The following MAS1 variants were observed in gnomAD, a reference collection of about 807,000 sequenced individuals.
The protein encoded by MAS1 is proto-oncogene Mas.
For missense variants in MAS1, 387 were observed against 409.7 expected (o/e 0.94, Z 0.48); for synonymous variants, 163 against 164.2 (o/e 0.99, Z 0.05).
In MAS1 at chr6:159,909,361, A is replaced by C. The variant is rs1213273275; in HGVS notation, c.*1428A>C. 2 of 152,214 alleles carry C rather than the reference A, an allele frequency of 1.3e-5. No homozygotes were observed. The highest frequency in any genetic ancestry group is 4.8e-5 in the African/African-American group (2 of 41,438). The allele number at this position is 152,214 out of a possible 1,614,324, so 9.4% of individuals were successfully genotyped here. On this transcript the variant is annotated 3_prime_UTR_variant, in exon 3 of 3. Coordinates refer to ENST00000674077, the MANE Select transcript of MAS1 (RefSeq NM_002377.4). Reference sequence around the variant, plus strand: ...TAAAAGGTCAGAGAGGCAGTGATGTAATTGTTCTCTGTTGCTGCTTGTCCT... The same window carrying C: ...TAAAAGGTCAGAGAGGCAGTGATGTCATTGTTCTCTGTTGCTGCTTGTCCT...
At chr6:159,902,638 G>A (rs1782835452) in intron 2 of MAS1, 1 of 152,072 alleles carries the variant, frequency 6.6e-6, no homozygotes, top group Non-Finnish European at 1.5e-5. Flanking sequence ...TCTGTTGGAC[G>A]GCGCTGGTCC....
At position 159,913,443 on chromosome 6, in the gene MAS1, A is replaced by G. The variant is rs1283488189; in HGVS notation, c.*5510A>G. ...ATGTATTGTCATTTCTCAAGGCTCC[A>G]TGGGTTGATTGAGTTCAGTTTCTCA... On this transcript the variant is annotated 3_prime_UTR_variant, in exon 3 of 3. Transcript: ENST00000674077. 1 of 152,202 alleles carries G rather than the reference A, an allele frequency of 6.6e-6. No homozygotes were observed. Among genetic ancestry groups the G allele is most frequent in the African/African-American group, 2.4e-5 (1 of 41,458 alleles). 9.4% of individuals were successfully genotyped at this position (152,202 alleles called of 1,614,324 possible). A position where few individuals can be genotyped will look rare whatever the true frequency, so the allele number is the denominator to read the frequency against.
chr6:159,898,944 C>G (rs949204206), intron 1 of MAS1, among the ~76,000 whole-genome samples: 1 of 152,200 alleles, frequency 6.6e-6, no homozygotes, highest in Non-Finnish European at 1.5e-5. Flanking sequence ...CCAGGGAGCA[C>G]CAGACACACT....
rs1167544789 is a variant in MAS1 at position 159,893,610 on chromosome 6, G to A, written c.-244+2477G>A. Among the ~76,000 whole-genome samples the A allele has an allele frequency of 4.6e-5, 7 of 152,160 alleles. No individual in the cohort carries two copies. The East Asian group carries it at 1.3e-3, about 29-fold the overall frequency. ...GAAAACTCAAATGAATTCACTGGTG[G>A]TGGGTCAAAACTGGAGATATTGGTG... On this transcript the variant is annotated intron_variant, in intron 1 of 2. Transcript: ENST00000674077.
intron 1 of MAS1, among the ~76,000 whole-genome samples, chr6:159,898,065 T>C (rs548600994): frequency 1.3e-5 from 2 of 152,144 alleles, no homozygotes; most frequent in Admixed American, 1.3e-4. Context: ...ATAATTTTTG[T>C]ATTTTTAGTA....
intron 2 of MAS1, chr6:159,906,660 C>G: frequency 3.4e-6 from 1 of 294,342 alleles, no homozygotes; most frequent in Non-Finnish European, 6.3e-6. Flanking sequence ...CACAAGCACA[C>G]AATGATATAG....
chr6:159,906,136 C>T (rs1027137125), intron 2 of MAS1, among the ~76,000 whole-genome samples: 1 of 151,422 alleles, frequency 6.6e-6, no homozygotes, highest in African/African-American at 2.4e-5. Context: ...TGCATGCACA[C>T]AAACTAGAAA....
chr6:159,893,438 G>A (rs760704837), intron 1 of MAS1, among the ~76,000 whole-genome samples: 7 of 152,184 alleles, frequency 4.6e-5, no homozygotes, highest in Non-Finnish European at 1.0e-4. Flanking sequence ...GCCCAACAAA[G>A]TGAGGAGGGC....
At chr6:159,890,369 G>C (rs978213863), upstream of MAS1, among the ~76,000 whole-genome samples, 6 of 152,184 alleles carry the variant, frequency 3.9e-5, no homozygotes, top group African/African-American at 1.4e-4. Flanking sequence ...ACTCCCAGGA[G>C]GAGCCCCCGG....
intron 2 of MAS1, among the ~76,000 whole-genome samples, chr6:159,904,939 C>T (rs764300813): frequency 4.6e-5 from 7 of 152,184 alleles, no homozygotes; most frequent in Non-Finnish European, 8.8e-5. Flanking sequence ...CTGCTGGCCT[C>T]GGTCGCCTAT....
rs369996792 is a variant in MAS1, at chr6:159,893,340, G to A, written c.-244+2207G>A. ...ATCTGCATGGGGGGTACAGGGAACT[G>A]GTGCTGGGTGTTGGAGCTCCTGCAG... is the stretch of plus-strand genomic sequence containing the variant. On this transcript the variant is annotated intron_variant, in intron 1 of 2. Transcript: ENST00000674077. 1.2e-3 allele frequency among the ~76,000 whole-genome samples: 180 copies of A among 152,340 alleles called. 1 individual carries two copies. The highest frequency in any genetic ancestry group is 4.2e-3 in the African/African-American group (173 of 41,582).
At chr6:159,903,853 C>T (rs1782851230) in intron 2 of MAS1, among the ~76,000 whole-genome samples, 1 of 152,192 alleles carries the variant, frequency 6.6e-6, no homozygotes, top group Non-Finnish European at 1.5e-5. Context: ...GGGTTGTCTA[C>T]ACTCACTGTC....
At chr6:159,906,798 GT>G (rs1782891889) in intron 2 of MAS1, 121 bp from the exon 3 acceptor site, 1 of 724,348 alleles carries the variant, frequency 1.4e-6, no homozygotes, top group Non-Finnish European at 2.2e-6. Context: ...TAACTGTAGA[GT>G]CTGTTAAACT....
At chr6:159,889,183 G>T (rs1782670761), upstream of MAS1, among the ~76,000 whole-genome samples, 1 of 152,254 alleles carries the variant, frequency 6.6e-6, no homozygotes, top group Middle Eastern at 3.4e-3. Context: ...CATTCACCTT[G>T]GGACCATTAT....
chr6:159,890,747 G>A (rs915498439), upstream of MAS1, among the ~76,000 whole-genome samples: 5 of 152,294 alleles, frequency 3.3e-5, no homozygotes, highest in African/African-American at 7.2e-5. Flanking sequence ...CTACACATGC[G>A]GTTTTGCCCT....
chr6:159,896,706 G>T (rs561805350), intron 1 of MAS1, among the ~76,000 whole-genome samples: 1 of 152,122 alleles, frequency 6.6e-6, no homozygotes, highest in Non-Finnish European at 1.5e-5. Flanking sequence ...CTGCCTAAAG[G>T]GTTCTCTTTG....
chr6:159,895,068 T>C (rs761960342), intron 1 of MAS1, among the ~76,000 whole-genome samples: 11 of 152,374 alleles, frequency 7.2e-5, no homozygotes, highest in Non-Finnish European at 1.5e-4. Flanking sequence ...GATTGTGCGG[T>C]TGCTTCTGGC....
rs993469017 is a variant in MAS1 at position 159,907,593 on chromosome 6, A to G, written c.638A>G (p.Lys213Arg). The change falls in exon 3 of 3, where the codon AAG (lysine) becomes AGG (arginine). Residue 213 changes from lysine to arginine, a missense_variant. Coordinates refer to ENST00000674077, the MANE Select transcript of MAS1 (RefSeq NM_002377.4). ...GTGTCCAGCACCATCTTGGTCGTGAAGATCCGGAAGAACACGTGGGCTTCC... is the reference window on the plus strand; with the variant it reads ...GTGTCCAGCACCATCTTGGTCGTGAGGATCCGGAAGAACACGTGGGCTTCC... ...MLVSSTILVV[K>R]IRKNTWASHS... is the part of the protein sequence containing the mutation. The G allele has an allele frequency of 5.0e-6, 8 of 1,614,038 alleles. No homozygotes were observed. The highest frequency in any genetic ancestry group is 6.8e-6 in the Non-Finnish European group (8 of 1,179,998).
At chr6:159,898,702 A>C (rs367753790) in intron 1 of MAS1, among the ~76,000 whole-genome samples, 6,066 of 53,474 alleles carry the variant, frequency 0.11, no homozygotes, top group South Asian at 0.14. Context: ...CTCCTCCTTC[A>C]TCCTCCTCCC....
Sources: gnomAD v4.1 joint callset for allele counts (sites outside exome capture counted in the v4.1 genomes callset) on GRCh38, gnomAD v4.1.1 for gene constraint, MANE v1.5 for transcripts, NCBI Gene and HGNC (gene_info 2026-07-23, HGNC 2026-07-21) for gene names.